Variants in BLVRA observed in about 807,000 individuals in gnomAD.
The protein encoded by BLVRA is BVR A.
In BLVRA, 22 loss-of-function variants were observed where a neutral mutation model predicts 32.8. That is an observed-to-expected ratio of 0.67 (90% CI 0.48 to 0.96). BLVRA has a LOEUF of 0.96. Ranked by LOEUF, BLVRA falls within the 40% of genes least tolerant of loss-of-function variation. The probability of loss-of-function intolerance (pLI) is 0.00; values close to 1 mark genes in which losing one functional copy is unlikely to be tolerated. For synonymous variants in BLVRA, 119 were observed against 141.3 expected, an observed-to-expected ratio of 0.84 and a Z score of 1.12; for missense variants, 323 against 358.1, an observed-to-expected ratio of 0.90 and a Z score of 0.79.
intron 1 of BLVRA, chr7:43,767,502 T>C (rs1563535778): frequency 1.6e-6 from 2 of 1,259,020 alleles, no homozygotes; most frequent in Admixed American, 3.4e-5. Flanking sequence ...TATGCTGCTA[T>C]TGTTGCCGTG....
intron 5 of BLVRA, among the ~76,000 whole-genome samples, chr7:43,794,696 CTGCACTCCAGCCTGGGTAACACCA>C (rs1216931461): frequency 4.0e-5 from 6 of 151,774 alleles, no homozygotes; most frequent in African/African-American, 1.5e-4. Context: ...GATGGTGCCA[CTGCACTCCAGCCTGGGTAACACCA>C]TGAAACTCTA....
chr7:43,798,069 C>T (rs1216913334), intron 5 of BLVRA, among the ~76,000 whole-genome samples: 1 of 151,692 alleles, frequency 6.6e-6, no homozygotes, highest in Non-Finnish European at 1.5e-5. Flanking sequence ...ATGTGGGCAC[C>T]TGTAATTCCA....
intron 5 of BLVRA, among the ~76,000 whole-genome samples, chr7:43,794,105 T>C (rs1205143166): frequency 6.6e-6 from 1 of 151,724 alleles, no homozygotes; most frequent in East Asian, 2.0e-4. Context: ...TAACTGGGTG[T>C]GGTGGTGCAT....
At position 43,805,209 on chromosome 7, in the gene BLVRA, G is replaced by C. The variant is rs138699695; in HGVS notation, c.632+1362G>C. ...TGGTTCTGATGGGAGGCGGTGCCTT[G>C]TTTGGTCTTGAAGTTGAGTAGAAGT... On this transcript the variant is annotated intron_variant, in intron 7 of 7. Coordinates refer to ENST00000265523, the MANE Select transcript of BLVRA (RefSeq NM_000712.4). Among the ~76,000 whole-genome samples, 305 of 152,072 alleles carry C rather than the reference G, an allele frequency of 2.0e-3. 3 individuals carry two copies. The Middle Eastern group carries it at 0.027, about 14-fold the overall frequency.
intron 5 of BLVRA, among the ~76,000 whole-genome samples, chr7:43,797,321 C>T (rs973796847): frequency 6.6e-6 from 1 of 152,252 alleles, no homozygotes; most frequent in African/African-American, 2.4e-5. Context: ...CTCCTGGCCT[C>T]AAGTGATCCG....
Position 43,758,755 on chromosome 7 carries a change from G to A in BLVRA, c.-22+21G>A, listed in dbSNP as rs17245799. ...GTCAGGTGAGGCGCGCGCGGGGAAC[G>A]GGGGTCGCGCGCAGGGGAGCGGGGG... On this transcript the variant is annotated intron_variant, in intron 1 of 7. Coordinates refer to ENST00000265523, the MANE Select transcript of BLVRA (RefSeq NM_000712.4). The A allele has an allele frequency of 7.0e-3, 1,070 of 151,998 alleles. 10 individuals carry two copies. The highest frequency in any genetic ancestry group is 0.024 in the African/African-American group (1,014 of 41,448). The allele number at this position is 151,998 out of a possible 1,614,324, so 9.4% of individuals were successfully genotyped here. A position where few individuals can be genotyped will look rare whatever the true frequency, so the allele number is the denominator to read the frequency against.
At position 43,787,213 on chromosome 7, in the gene BLVRA, G is replaced by A. The variant is rs1037012256; in HGVS notation, c.13-691G>A. ...GCTGGGATTACAGGCGTGAGCCACC[G>A]TGCCCAGTGCATGGAGATAAATTTT... On this transcript the variant is annotated intron_variant, in intron 2 of 7. Coordinates refer to ENST00000265523, the MANE Select transcript of BLVRA (RefSeq NM_000712.4). This position sits in a 1 kb window ranked among gnomAD's most constrained non-coding sequence, Gnocchi z 4.5. 1.8e-4 allele frequency among the ~76,000 whole-genome samples: 28 copies of A among 152,258 alleles called. No individual in the cohort carries two copies. Among genetic ancestry groups the A allele is most frequent in the African/African-American group, 4.8e-4 (20 of 41,564 alleles).
intron 3 of BLVRA, among the ~76,000 whole-genome samples, chr7:43,788,411 T>A (rs2095781022): frequency 6.6e-6 from 1 of 152,206 alleles, no homozygotes; most frequent in Admixed American, 6.5e-5. Context: ...CTACATGTGA[T>A]ATTTCCTTCT....
chr7:43,777,931 G>C (rs1211707278), intron 2 of BLVRA, among the ~76,000 whole-genome samples: 1 of 151,912 alleles, frequency 6.6e-6, no homozygotes, highest in African/African-American at 2.4e-5. Context: ...CCAGTTGATC[G>C]CATTGGCTCC....
chr7:43,763,510 G>C (rs1372357910), intron 1 of BLVRA, among the ~76,000 whole-genome samples: 1 of 152,170 alleles, frequency 6.6e-6, no homozygotes, highest in Admixed American at 6.5e-5. Context: ...GGCACGGGGG[G>C]CGCTCTACTT....
intron 2 of BLVRA, among the ~76,000 whole-genome samples, chr7:43,776,082 A>G (rs1196607478): frequency 1.3e-5 from 2 of 152,118 alleles, no homozygotes; most frequent in Non-Finnish European, 2.9e-5. Flanking sequence ...TGATCTTTTC[A>G]AAAAACCAGC....
intron 1 of BLVRA, among the ~76,000 whole-genome samples, chr7:43,769,651 G>A (rs2095752222): frequency 6.6e-6 from 1 of 150,960 alleles, no homozygotes; most frequent in African/African-American, 2.4e-5. Flanking sequence ...CTGTCGCCCA[G>A]TCTGGGAGTG....
At chr7:43,803,929 A>C in intron 7 of BLVRA, 82 bp downstream of exon 7, 1 of 1,530,910 alleles carries the variant, frequency 6.5e-7, no homozygotes, top group Non-Finnish European at 8.9e-7. Context: ...GGGAGCCCCG[A>C]GGGGCTAGAC....
intron 3 of BLVRA, among the ~76,000 whole-genome samples, chr7:43,789,046 C>T (rs1325855596): frequency 1.3e-5 from 2 of 152,124 alleles, no homozygotes; most frequent in Admixed American, 6.6e-5. Flanking sequence ...TACACACACA[C>T]ACACACACGC....
chr7:43,774,679 G>A (rs1243201269), intron 2 of BLVRA, among the ~76,000 whole-genome samples: 2 of 152,194 alleles, frequency 1.3e-5, no homozygotes, highest in Admixed American at 6.5e-5. Flanking sequence ...TGTGAAGAAA[G>A]TCATTTGTAG....
At chr7:43,800,954 C>A (rs1445857412) in intron 6 of BLVRA, among the ~76,000 whole-genome samples, 1 of 151,980 alleles carries the variant, frequency 6.6e-6, no homozygotes, top group Non-Finnish European at 1.5e-5. Context: ...TTGGCAGCAA[C>A]CACAGTATTT....
At chr7:43,800,300 T>C in intron 5 of BLVRA, 165 bp from the exon 6 acceptor site, 2 of 672,130 alleles carry the variant, frequency 3.0e-6, no homozygotes, top group Non-Finnish European at 5.4e-6. Context: ...TAGCAGCCTC[T>C]TCAGCTGGGG....
chr7:43,786,914 A>G (rs2095778308), intron 2 of BLVRA, among the ~76,000 whole-genome samples: 1 of 150,436 alleles, frequency 6.6e-6, no homozygotes, highest in South Asian at 2.1e-4. Flanking sequence ...AGTTTAAGGG[A>G]TGCATGGAGA....
At chr7:43,790,366 A>T (rs992240726) in intron 3 of BLVRA, among the ~76,000 whole-genome samples, 2 of 152,066 alleles carry the variant, frequency 1.3e-5, no homozygotes, top group Non-Finnish European at 2.9e-5. Context: ...GCATTATAGG[A>T]GAAATCATGG....
Sources: gnomAD v4.1 joint callset for allele counts (sites outside exome capture counted in the v4.1 genomes callset) on GRCh38, gnomAD v4.1.1 for gene constraint, Gnocchi (gnomAD v3.1) non-coding constraint, MANE v1.5 for transcripts, NCBI Gene and HGNC (gene_info 2026-07-23, HGNC 2026-07-21) for gene names.